The following TRIM11 variants were observed in gnomAD, a reference collection of about 807,000 sequenced individuals.
The protein encoded by TRIM11 is E3 ubiquitin-protein ligase TRIM11.
A neutral mutation model predicts 33.4 loss-of-function variants in TRIM11; 15 were observed. The observed-to-expected ratio is 0.45, with a 90% CI of 0.30 to 0.69. The LOEUF (loss-of-function observed/expected upper bound fraction) is 0.69, where lower values mean the gene tolerates loss of function less well. Ranked by LOEUF, TRIM11 falls within the 30% of genes least tolerant of loss-of-function variation. TRIM11 has a pLI of 0.08. For synonymous variants in TRIM11, 281 were observed against 302.6 expected (o/e 0.93, Z 0.74); for missense variants, 499 against 667.6 (o/e 0.75, Z 2.78).
intron 1 of TRIM11, chr1:228,402,947 T>A (rs1656284375): frequency 6.6e-6 from 1 of 152,240 alleles, no homozygotes; most frequent in Non-Finnish European, 1.5e-5. Context: ...CAGACATGCC[T>A]GGCTACCCAC....
At chr1:228,399,950 C>T (rs1656125078) in intron 3 of TRIM11, among the ~76,000 whole-genome samples, 1 of 151,390 alleles carries the variant, frequency 6.6e-6, no homozygotes, top group South Asian at 2.1e-4. Context: ...AAATGACAAT[C>T]GAAACCAGGA....
In TRIM11 at chr1:228,406,724, A is replaced by C; in HGVS notation, c.-163T>G. ...GGTGCTCGGGCTCCGGGGCGCGGGG[A>C]CTCCAGGGCGCAGGACTCTGGGTTT... On this transcript the variant is annotated 5_prime_UTR_variant, in exon 1 of 6. Coordinates refer to ENST00000284551, the MANE Select transcript of TRIM11 (RefSeq NM_145214.3). The surrounding 1 kb of genome is among the most constrained non-coding windows in gnomAD (Gnocchi z 8.2). 1.7e-6 allele frequency: 1 copy of C among 578,904 alleles called. No homozygotes were observed. The highest frequency in any genetic ancestry group is 2.6e-6 in the Non-Finnish European group (1 of 392,142). 35.9% of individuals were successfully genotyped at this position (578,904 alleles called of 1,614,324 possible). A position where few individuals can be genotyped will look rare whatever the true frequency, so the allele number is the denominator to read the frequency against.
chr1:228,401,207 G>A lies in TRIM11; in HGVS notation c.505-13C>T. The A allele has an allele frequency of 1.9e-6, 3 of 1,610,558 alleles. No homozygotes were observed. The highest frequency in any genetic ancestry group is 2.5e-6 in the Non-Finnish European group (3 of 1,178,120). ...TCTCCACCATCTTCTGTGGAGCCCAGGGAGAAGGACAGCTGAGGCCAGACC... is the reference window on the plus strand; with the variant it reads ...TCTCCACCATCTTCTGTGGAGCCCAAGGAGAAGGACAGCTGAGGCCAGACC... On this transcript the variant is annotated splice_polypyrimidine_tract_variant and intron_variant, in intron 2 of 5. Coordinates refer to ENST00000284551, the MANE Select transcript of TRIM11 (RefSeq NM_145214.3). The surrounding 1 kb of genome is among the most constrained non-coding windows in gnomAD (Gnocchi z 6.1).
chr1:228,399,103 G>A (rs2075009676), intron 3 of TRIM11, among the ~76,000 whole-genome samples: 1 of 152,100 alleles, frequency 6.6e-6, no homozygotes, highest in African/African-American at 2.4e-5. Flanking sequence ...AGTCACTCAA[G>A]CCTTTACCTC....
rs1210433130 is a variant in TRIM11 at position 228,406,241 on chromosome 1, C to G, written c.321G>C (p.Leu107=). 2 of 1,496,240 alleles carry G rather than the reference C, an allele frequency of 1.3e-6. No homozygotes were observed. The highest frequency in any genetic ancestry group is 2.2e-5 in the Admixed American group (1 of 45,698). 92.7% of individuals were successfully genotyped at this position (1,496,240 alleles called of 1,614,324 possible). A position where few individuals can be genotyped will look rare whatever the true frequency, so the allele number is the denominator to read the frequency against. The change falls in exon 1 of 6, where the codon CTG becomes CTC. Residue 107 remains leucine, a synonymous_variant. Transcript: ENST00000284551. The surrounding 1 kb of genome is among the most constrained non-coding windows in gnomAD (Gnocchi z 8.2). The part of the protein sequence containing the change: ...EPLAAFCGDE[L]RLLCAACERS... ...GCTCGCAGGCCGCACACAGGAGGCG[C>G]AGCTCGTCGCCACAGAAGGCGGCCA...
At chr1:228,402,291 A>G (rs1253461618) in intron 1 of TRIM11, 130 bp from the exon 2 acceptor site, 4 of 643,614 alleles carry the variant, frequency 6.2e-6, no homozygotes, top group Non-Finnish European at 7.9e-6. Flanking sequence ...TGAATCAGGG[A>G]ACTCAATGCC....
chr1:228,406,689 G>T lies in TRIM11; in HGVS notation c.-128C>A, dbSNP rs1574090262. On this transcript the variant is annotated 5_prime_UTR_variant, in exon 1 of 6. Coordinates refer to ENST00000284551, the MANE Select transcript of TRIM11 (RefSeq NM_145214.3). The surrounding 1 kb of genome is among the most constrained non-coding windows in gnomAD (Gnocchi z 8.2). ...TCGGGCACTCCGGGGCGCGAGGCTC[G>T]GGACTCCCGGGTGCTCGGGCTCCGG... 2 of 907,898 alleles carry T rather than the reference G, an allele frequency of 2.2e-6. No homozygotes were observed. The highest frequency in any genetic ancestry group is 2.9e-6 in the Non-Finnish European group (2 of 683,004). 56.2% of individuals were successfully genotyped at this position (907,898 alleles called of 1,614,324 possible). A position where few individuals can be genotyped will look rare whatever the true frequency, so the allele number is the denominator to read the frequency against.
rs181256947 is a variant in TRIM11, at chr1:228,395,227, G to A, written c.885C>T (p.Thr295=). The A allele has an allele frequency of 5.4e-5, 80 of 1,476,350 alleles. No homozygotes were observed. Among genetic ancestry groups the A allele is most frequent in the African/African-American group, 4.5e-4 (32 of 71,196 alleles). 91.5% of individuals were successfully genotyped at this position (1,476,350 alleles called of 1,614,324 possible). A position where few individuals can be genotyped will look rare whatever the true frequency, so the allele number is the denominator to read the frequency against. ...CAGACAGGATCAGCTCAGGGTTGGC[G>A]GTGTCCGGGTCCAAGGTCACGTCCC... ...FRGDVTLDPD[T]ANPELILSED... Residue 295 remains threonine (T), a synonymous_variant, in exon 6 of 6, where the codon ACC becomes ACT. Transcript: ENST00000284551. The surrounding 1 kb of genome is among the most constrained non-coding windows in gnomAD (Gnocchi z 4.8).
chr1:228,401,232 C>T lies in TRIM11; in HGVS notation c.505-38G>A, dbSNP rs1169493575. ...GGGAGAAGGACAGCTGAGGCCAGAC[C>T]CCAGGCCCAGCCAGACCCCAAGTTT... On this transcript the variant is annotated intron_variant, in intron 2 of 5. Coordinates refer to ENST00000284551, the MANE Select transcript of TRIM11 (RefSeq NM_145214.3). This position sits in a 1 kb window ranked among gnomAD's most constrained non-coding sequence, Gnocchi z 6.1. 6.3e-7 allele frequency: 1 copy of T among 1,592,178 alleles called. No homozygotes were observed. Among genetic ancestry groups the T allele is most frequent in the African/African-American group, 1.3e-5 (1 of 74,546 alleles).
At position 228,394,422 on chromosome 1, in the gene TRIM11, G is replaced by A; in HGVS notation, c.*283C>T. ...GCTTCTGGAACCACAGGCCAGAGCT[G>A]CCGGGGCAATGGGGCTCCCAGCTTT... On this transcript the variant is annotated 3_prime_UTR_variant, in exon 6 of 6. Coordinates refer to ENST00000284551, the MANE Select transcript of TRIM11 (RefSeq NM_145214.3). The surrounding 1 kb of genome is among the most constrained non-coding windows in gnomAD (Gnocchi z 6.2). 1 of 456,422 alleles carries A rather than the reference G, an allele frequency of 2.2e-6. No individual in the cohort carries two copies. The highest frequency in any genetic ancestry group is 2.0e-5 in the African/African-American group (1 of 50,666). 28.3% of individuals were successfully genotyped at this position (456,422 alleles called of 1,614,324 possible). A position where few individuals can be genotyped will look rare whatever the true frequency, so the allele number is the denominator to read the frequency against.
At position 228,401,243 on chromosome 1, in the gene TRIM11, CCAGACCCCAAGTTTGGT is replaced by C; in HGVS notation, c.505-66_505-50del. 2 of 1,579,644 alleles carry C rather than the reference CCAGACCCCAAGTTTGGT, an allele frequency of 1.3e-6. No individual in the cohort carries two copies. Among genetic ancestry groups the C allele is most frequent in the Non-Finnish European group, 8.6e-7 (1 of 1,160,428 alleles). On this transcript the variant is annotated intron_variant, in intron 2 of 5. Coordinates refer to ENST00000284551, the MANE Select transcript of TRIM11 (RefSeq NM_145214.3). The surrounding 1 kb of genome is among the most constrained non-coding windows in gnomAD (Gnocchi z 6.1). ...AGCTGAGGCCAGACCCCAGGCCCAG[CCAGACCCCAAGTTTGGT>C]CAGACCCCAAGCCCACCCAGAGGCC... is the stretch of plus-strand genomic sequence containing the variant.
chr1:228,401,249 C>T lies in TRIM11; in HGVS notation c.505-55G>A, dbSNP rs1240785093. ...GGCCAGACCCCAGGCCCAGCCAGAC[C>T]CCAAGTTTGGTCAGACCCCAAGCCC... On this transcript the variant is annotated intron_variant, in intron 2 of 5. Transcript: ENST00000284551. The surrounding 1 kb of genome is among the most constrained non-coding windows in gnomAD (Gnocchi z 6.1). 1 of 1,570,850 alleles carries T rather than the reference C, an allele frequency of 6.4e-7. No homozygotes were observed. The highest frequency in any genetic ancestry group is 1.8e-5 in the Admixed American group (1 of 56,496).
At chr1:228,404,836 C>G (rs993000317) in intron 1 of TRIM11, 1 of 152,236 alleles carries the variant, frequency 6.6e-6, no homozygotes, top group Admixed American at 6.5e-5. Flanking sequence ...ATTCACAAAC[C>G]TTTGCTGAAA....
In TRIM11 at chr1:228,406,615, C is replaced by T; in HGVS notation, c.-54G>A. The T allele has an allele frequency of 5.1e-6, 7 of 1,382,180 alleles. No homozygotes were observed. Among genetic ancestry groups the T allele is most frequent in the South Asian group, 1.8e-5 (1 of 56,322 alleles). The allele number at this position is 1,382,180 out of a possible 1,614,324, so 85.6% of individuals were successfully genotyped here. A position where few individuals can be genotyped will look rare whatever the true frequency, so the allele number is the denominator to read the frequency against. ...CTGTCCGCGGGGCGGCGGCGGGCGG[C>T]CTCGGCAGCTCGCGGGGACGCGGGG... On this transcript the variant is annotated 5_prime_UTR_variant, in exon 1 of 6. Coordinates refer to ENST00000284551, the MANE Select transcript of TRIM11 (RefSeq NM_145214.3). This position sits in a 1 kb window ranked among gnomAD's most constrained non-coding sequence, Gnocchi z 8.2.
At chr1:228,399,369 C>G (rs1048598523) in intron 3 of TRIM11, among the ~76,000 whole-genome samples, 1 of 152,198 alleles carries the variant, frequency 6.6e-6, no homozygotes, top group Non-Finnish European at 1.5e-5. Flanking sequence ...CCAGGCCAAA[C>G]CTGGGCAGGG....
In TRIM11 at chr1:228,406,258, A is replaced by C. The variant is rs1380625885; in HGVS notation, c.304T>G (p.Phe102Val). The C allele has an allele frequency of 1.3e-6, 2 of 1,496,996 alleles. 1 individual carries two copies. The highest frequency in any genetic ancestry group is 4.3e-5 in the Admixed American group (2 of 46,026). 92.7% of individuals were successfully genotyped at this position (1,496,996 alleles called of 1,614,324 possible). Reference sequence around the variant, plus strand: ...AGGAGGCGCAGCTCGTCGCCACAGAAGGCGGCCAGTGGCTCGCGGTGCGCG... The same window carrying C: ...AGGAGGCGCAGCTCGTCGCCACAGACGGCGGCCAGTGGCTCGCGGTGCGCG... Reference protein sequence around the residue: ...CPAHREPLAAFCGDELRLLCA... With the variant: ...CPAHREPLAAVCGDELRLLCA... The change falls in exon 1 of 6, where the codon TTC (phenylalanine) becomes GTC (valine). Residue 102 changes from phenylalanine to valine, a missense_variant. Transcript: ENST00000284551. This position sits in a 1 kb window ranked among gnomAD's most constrained non-coding sequence, Gnocchi z 8.2.
intron 3 of TRIM11, among the ~76,000 whole-genome samples, chr1:228,398,192 C>T (rs919798517): frequency 5.3e-5 from 8 of 152,208 alleles, no homozygotes; most frequent in South Asian, 2.1e-4. Context: ...TTCTAACACA[C>T]GTGGTGCCAG....
Position 228,399,885 on chromosome 1 carries a change from A to AC in TRIM11, c.735+1078_735+1079insG, listed in dbSNP as rs1279295205. On this transcript the variant is annotated intron_variant, in intron 3 of 5. Transcript: ENST00000284551. The stretch of plus-strand genomic sequence containing the variant: ...CTTGTACCCCTTAAATCTACAAAAA[A>AC]AAAAACAAAAAAAAAAAAACAAAAA... Among the ~76,000 whole-genome samples, 715 of 141,184 alleles carry AC rather than the reference A, an allele frequency of 5.1e-3. 8 individuals are homozygous for AC. Among genetic ancestry groups the AC allele is most frequent in the African/African-American group, 0.021 (677 of 32,318 alleles). The allele number at this position is 141,184 out of a possible 152,430, so 92.6% of individuals were successfully genotyped here.
intron 5 of TRIM11, 79 bp downstream of exon 5, chr1:228,396,868 A>T: frequency 7.3e-7 from 1 of 1,370,446 alleles, no homozygotes; most frequent in Admixed American, 1.7e-5. Context: ...GGCAGGGCAC[A>T]GAACACGTGG....
Sources: allele counts gnomAD v4.1 joint callset (sites outside exome capture counted in the v4.1 genomes callset), GRCh38; gene constraint gnomAD v4.1.1; non-coding constraint Gnocchi (gnomAD v3.1); transcripts MANE v1.5; gene names NCBI Gene and HGNC (gene_info 2026-07-23, HGNC 2026-07-21).